Variants in C8orf74 observed in about 807,000 individuals in gnomAD.
The protein encoded by C8orf74 is chromosome 8 open reading frame 74, also known as uncharacterized protein C8orf74.
A neutral mutation model predicts 22.2 loss-of-function variants in C8orf74; 29 were observed. That is an observed-to-expected ratio of 1.31 (90% CI 0.97 to 1.78). The LOEUF is 1.78. Ranked by LOEUF, C8orf74 falls within the 40% of genes most tolerant of loss-of-function variation. The probability of loss-of-function intolerance (pLI) is 0.00; values close to 1 mark genes in which losing one functional copy is unlikely to be tolerated. For synonymous variants in C8orf74, 255 were observed against 163.1 expected (o/e 1.56, Z -4.30); for missense variants, 515 against 369.9 (o/e 1.39, Z -3.22).
At chr8:10,696,958 G>GAAAAA (rs60560452) in intron 2 of C8orf74, among the ~76,000 whole-genome samples, 3 of 104,336 alleles carry the variant, frequency 2.9e-5, no homozygotes, top group African/African-American at 6.5e-5. Context: ...CCAGGAGTTC[G>GAAAAA]AAAAAAAAAA....
chr8:10,676,157 G>T (rs927145671), intron 2 of C8orf74, among the ~76,000 whole-genome samples: 1 of 152,150 alleles, frequency 6.6e-6, no homozygotes. Context: ...AATTTATTTT[G>T]CTTTGAAATT....
Position 10,688,127 on chromosome 8 carries a change from C to T in C8orf74, c.242-9472C>T, listed in dbSNP as rs137993975. ...GGCTGAGGCAGGAGGATCACTTGAA[C>T]GTGGGAGGTGGAGGCTGCAGTGAGC... On this transcript the variant is annotated intron_variant, in intron 2 of 3. Transcript: ENST00000304519. Among the ~76,000 whole-genome samples, 1,327 of 150,132 alleles carry T rather than the reference C, an allele frequency of 8.8e-3. 39 individuals carry two copies. Among genetic ancestry groups the T allele is most frequent in the East Asian group, 0.082 (416 of 5,066 alleles).
intron 2 of C8orf74, among the ~76,000 whole-genome samples, chr8:10,685,562 G>A (rs1265744242): frequency 1.3e-5 from 2 of 152,180 alleles, no homozygotes; most frequent in African/African-American, 4.8e-5. Context: ...AATATCGTAT[G>A]AGTCCGTCTA....
intron 2 of C8orf74, 25 bp from the exon 3 acceptor site, chr8:10,697,574 C>G: frequency 1.2e-6 from 2 of 1,601,324 alleles, no homozygotes; most frequent in African/African-American, 1.3e-5. Flanking sequence ...CACTCCCACT[C>G]TGTTCTTGGC....
At chr8:10,690,400 G>C (rs1473666265) in intron 2 of C8orf74, among the ~76,000 whole-genome samples, 1 of 152,170 alleles carries the variant, frequency 6.6e-6, no homozygotes, top group Non-Finnish European at 1.5e-5. Context: ...GGAGCACAAA[G>C]GGGGCAGGGG....
chr8:10,698,398 C>T (rs748700843), intron 3 of C8orf74, among the ~76,000 whole-genome samples: 2 of 152,036 alleles, frequency 1.3e-5, no homozygotes, highest in Non-Finnish European at 2.9e-5. Context: ...CCAGAGCCGG[C>T]ATGCCCCTAG....
At chr8:10,677,593 A>G (rs771644014) in intron 2 of C8orf74, among the ~76,000 whole-genome samples, 7 of 152,030 alleles carry the variant, frequency 4.6e-5, no homozygotes, top group Non-Finnish European at 1.0e-4. Context: ...TTTTATTTTA[A>G]TATGACATCA....
At chr8:10,680,284 T>A (rs1206901833) in intron 2 of C8orf74, among the ~76,000 whole-genome samples, 4 of 152,184 alleles carry the variant, frequency 2.6e-5, no homozygotes, top group African/African-American at 9.7e-5. Flanking sequence ...AACGATAGTT[T>A]CCTCTCTGTG....
intron 3 of C8orf74, among the ~76,000 whole-genome samples, chr8:10,698,477 C>A (rs922810577): frequency 2.6e-5 from 4 of 152,040 alleles, no homozygotes; most frequent in Non-Finnish European, 5.9e-5. Flanking sequence ...ACCAGGGAGA[C>A]AAAGGCTGGA....
intron 2 of C8orf74, among the ~76,000 whole-genome samples, chr8:10,695,432 G>C (rs886348411): frequency 6.6e-6 from 1 of 152,104 alleles, no homozygotes; most frequent in Admixed American, 6.5e-5. Flanking sequence ...TGATGGAGCA[G>C]TCCCTCCTTC....
intron 2 of C8orf74, among the ~76,000 whole-genome samples, chr8:10,680,343 T>C (rs1277479949): frequency 6.6e-6 from 1 of 152,166 alleles, no homozygotes; most frequent in African/African-American, 2.4e-5. Flanking sequence ...TTCCTACTTA[T>C]AGGAAGGAGC....
intron 2 of C8orf74, among the ~76,000 whole-genome samples, chr8:10,690,210 T>C (rs114666340): frequency 2.0e-5 from 3 of 151,926 alleles, no homozygotes; most frequent in Non-Finnish European, 4.4e-5. Flanking sequence ...GAGCCTCAGT[T>C]TCTCTCCCGG....
At chr8:10,693,995 C>T (rs1208505815) in intron 2 of C8orf74, among the ~76,000 whole-genome samples, 2 of 152,236 alleles carry the variant, frequency 1.3e-5, no homozygotes, top group Non-Finnish European at 2.9e-5. Flanking sequence ...CAGGCTGCTG[C>T]CTGCTCCTCT....
chr8:10,697,488 G>C, intron 2 of C8orf74, 111 bp from the exon 3 acceptor site: 1 of 846,898 alleles, frequency 1.2e-6, no homozygotes, highest in South Asian at 1.8e-5. Context: ...TAAAAATGCA[G>C]TGGGGACATG....
chr8:10,690,811 C>G (rs773835602), intron 2 of C8orf74: 39 of 453,224 alleles, frequency 8.6e-5, no homozygotes, highest in Non-Finnish European at 1.6e-4. Context: ...TAGCAAGCCT[C>G]CCCCGCCCTT....
intron 2 of C8orf74, among the ~76,000 whole-genome samples, chr8:10,690,608 A>T (rs1174357003): frequency 6.6e-6 from 1 of 152,082 alleles, no homozygotes; most frequent in Non-Finnish European, 1.5e-5. Context: ...TTATCGGGGT[A>T]CCTGAGTCCA....
chr8:10,675,087 AGCCAG>A (rs71203345), intron 2 of C8orf74, among the ~76,000 whole-genome samples: 59,237 of 151,820 alleles, frequency 0.39, 12,110 homozygotes, highest in Middle Eastern at 0.5. Context: ...TTTGCACAAC[AGCCAG>A]GGTGTTTGCT....
chr8:10,678,496 C>T (rs764906998), intron 2 of C8orf74, among the ~76,000 whole-genome samples: 4 of 151,958 alleles, frequency 2.6e-5, no homozygotes, highest in Admixed American at 6.5e-5. Context: ...CCAGTAGACA[C>T]GTGCCAGGGC....
intron 1 of C8orf74, chr8:10,673,650 G>C (rs1798963193): frequency 6.5e-6 from 1 of 153,910 alleles, no homozygotes; most frequent in Non-Finnish European, 1.5e-5. Context: ...CTGGGCTGCA[G>C]TGGCCAGCAT....
Sources: allele counts gnomAD v4.1 joint callset (sites outside exome capture counted in the v4.1 genomes callset), GRCh38; gene constraint gnomAD v4.1.1; transcripts MANE v1.5; gene names NCBI Gene and HGNC (gene_info 2026-07-23, HGNC 2026-07-21).